The following NTM variants were observed in gnomAD, a reference collection of about 807,000 sequenced individuals.
NTM encodes the protein neurotrimin.
NTM carries 13 observed loss-of-function variants against 42.1 expected under a neutral mutation model. The observed-to-expected ratio is 0.31, with a 90% confidence interval of 0.20 to 0.49. The LOEUF is 0.49. Among genes scored for constraint, NTM ranks in the 20% least tolerant of loss-of-function variants. The pLI is 0.99. For missense variants in NTM, 373 were observed against 452.8 expected (o/e 0.82, Z 1.60); for synonymous variants, 187 against 179.2 (o/e 1.04, Z -0.35).
intron 1 of NTM, among the ~76,000 whole-genome samples, chr11:131,586,210 A>G (rs959940633): frequency 2.0e-5 from 3 of 152,156 alleles, no homozygotes; most frequent in Admixed American, 1.3e-4. Flanking sequence ...GGCTCAAGCA[A>G]TCCTCCCATC....
chr11:131,587,773 GAAGT>G (rs1367569829), intron 1 of NTM, among the ~76,000 whole-genome samples: 8 of 152,162 alleles, frequency 5.3e-5, no homozygotes, highest in African/African-American at 1.7e-4. Context: ...ACAACTGGAG[GAAGT>G]AAGTAAGACA....
intron 2 of NTM, among the ~76,000 whole-genome samples, chr11:132,057,200 AAAG>A (rs1474951879): frequency 6.6e-6 from 1 of 152,236 alleles, no homozygotes; most frequent in Admixed American, 6.5e-5. Context: ...GGAAAAGAAA[AAAG>A]AAAAGAAAGA....
At position 132,146,127 on chromosome 11, in the gene NTM, G is replaced by A. The variant is rs1194197288; in HGVS notation, c.168-155G>A. On this transcript the variant is annotated intron_variant, in intron 2 of 8. Transcript: ENST00000683400. This position sits in a 1 kb window ranked among gnomAD's most constrained non-coding sequence, Gnocchi z 4.5. The stretch of plus-strand genomic sequence containing the variant: ...TGTAATCCCATAAGACCTTTGCTGT[G>A]TTCCAGAAAAGTCCACCCCTGACAA... 1 of 1,175,696 alleles carries A rather than the reference G, an allele frequency of 8.5e-7. No individual in the cohort carries two copies. Among genetic ancestry groups the A allele is most frequent in the Non-Finnish European group, 1.2e-6 (1 of 848,948 alleles). 72.8% of individuals were successfully genotyped at this position (1,175,696 alleles called of 1,614,324 possible). A position where few individuals can be genotyped will look rare whatever the true frequency, so the allele number is the denominator to read the frequency against.
chr11:131,638,497 C>T (rs1032114970), intron 1 of NTM, among the ~76,000 whole-genome samples: 3 of 128,412 alleles, frequency 2.3e-5, no homozygotes, highest in South Asian at 2.7e-4. Context: ...ACCCAGGAGG[C>T]GGAGGTTGTG....
Position 132,077,191 on chromosome 11 carries a change from GA to G in NTM, c.168-69090del, listed in dbSNP as rs1566097790. Among the ~76,000 whole-genome samples, 6 of 152,226 alleles carry G rather than the reference GA, an allele frequency of 3.9e-5. No homozygotes were observed. The South Asian group carries it at 1.2e-3, about 31-fold the overall frequency. On this transcript the variant is annotated intron_variant, in intron 2 of 8. Coordinates refer to ENST00000683400, the MANE Select transcript of NTM (RefSeq NM_001352005.2). ...GAGCTGGTCCACACCTTCAGATGAA[GA>G]GTGTGAAAAGACTTACAATTTGGTC...
chr11:132,104,935 A>ACGTGTGTG (rs1555263244), intron 2 of NTM, among the ~76,000 whole-genome samples: 1 of 20,002 alleles, frequency 5.0e-5, no homozygotes, highest in African/African-American at 1.9e-4. Flanking sequence ...ATATATACAT[A>ACGTGTGTG]TGTATATATA....
chr11:131,915,760 A>G (rs1001495376), intron 2 of NTM, among the ~76,000 whole-genome samples: 6 of 152,204 alleles, frequency 3.9e-5, no homozygotes, highest in East Asian at 1.9e-4. Context: ...AGATGAGACA[A>G]TGAAAGCCAA....
chr11:131,388,513 G>A (rs1267564581), intron 1 of NTM, among the ~76,000 whole-genome samples: 1 of 149,858 alleles, frequency 6.7e-6, no homozygotes, highest in Non-Finnish European at 1.5e-5. Context: ...TTGCCCGTAA[G>A]TATTAGGTAC....
chr11:131,998,595 T>C (rs2068564892), intron 2 of NTM, among the ~76,000 whole-genome samples: 2 of 152,198 alleles, frequency 1.3e-5, no homozygotes, highest in African/African-American at 4.8e-5. Context: ...GATTGACTTA[T>C]TTTTCAATTC....
At chr11:132,254,993 T>G (rs909846413) in intron 4 of NTM, among the ~76,000 whole-genome samples, 4 of 152,202 alleles carry the variant, frequency 2.6e-5, no homozygotes, top group African/African-American at 9.6e-5. Context: ...AGATTTCCCC[T>G]GGGAGGCAAC....
chr11:132,187,936 C>G (rs1313041473), intron 3 of NTM, among the ~76,000 whole-genome samples: 1 of 152,176 alleles, frequency 6.6e-6, no homozygotes, highest in Non-Finnish European at 1.5e-5. Flanking sequence ...ACTAACATGT[C>G]TACGTGGAGA....
chr11:132,170,797 A>G (rs1245215148), intron 3 of NTM, among the ~76,000 whole-genome samples: 1 of 152,182 alleles, frequency 6.6e-6, no homozygotes, highest in East Asian at 1.9e-4. Flanking sequence ...AAATTTAACA[A>G]CTATTTACTA....
intron 2 of NTM, among the ~76,000 whole-genome samples, chr11:132,048,367 T>C (rs2078322310): frequency 6.6e-6 from 1 of 152,220 alleles, no homozygotes; most frequent in Non-Finnish European, 1.5e-5. Flanking sequence ...ACACGATCAA[T>C]ACATTTCTGG....
chr11:132,152,712 G>A (rs556334350), intron 3 of NTM, among the ~76,000 whole-genome samples: 2 of 152,244 alleles, frequency 1.3e-5, no homozygotes, highest in East Asian at 1.9e-4. Context: ...TGCTGACAAC[G>A]GAGGGACAAA....
intron 2 of NTM, among the ~76,000 whole-genome samples, chr11:131,947,512 G>A (rs529917577): frequency 2.0e-5 from 3 of 152,308 alleles, no homozygotes; most frequent in Admixed American, 6.5e-5. Context: ...CACTCAGAAA[G>A]TGGTTGGTGT....
At chr11:131,505,923 A>G (rs2047431665) in intron 1 of NTM, among the ~76,000 whole-genome samples, 1 of 151,842 alleles carries the variant, frequency 6.6e-6, no homozygotes, top group Admixed American at 6.6e-5. Flanking sequence ...AAGTGGGATG[A>G]TTTGCCCAGA....
At chr11:132,311,193 T>C (rs1229224386) in intron 6 of NTM, among the ~76,000 whole-genome samples, 2 of 152,204 alleles carry the variant, frequency 1.3e-5, no homozygotes, top group Admixed American at 6.5e-5. Context: ...TCAGCCAGCC[T>C]TGGCTTTGTT....
At chr11:131,865,919 TAC>T (rs766108613) in intron 1 of NTM, among the ~76,000 whole-genome samples, 2 of 88,388 alleles carry the variant, frequency 2.3e-5, no homozygotes, top group African/African-American at 3.8e-5. Flanking sequence ...ACACACATGC[TAC>T]ACACACACCT....
chr11:131,492,758 G>C (rs905682220), intron 1 of NTM, among the ~76,000 whole-genome samples: 1 of 152,196 alleles, frequency 6.6e-6, no homozygotes, highest in African/African-American at 2.4e-5. Flanking sequence ...TGGGGGCTTT[G>C]AGTACCATGA....
Sources: allele counts gnomAD v4.1 joint callset (sites outside exome capture counted in the v4.1 genomes callset), GRCh38; gene constraint gnomAD v4.1.1; non-coding constraint Gnocchi (gnomAD v3.1); transcripts MANE v1.5; gene names NCBI Gene and HGNC (gene_info 2026-07-23, HGNC 2026-07-21).